TP53BP1: variants seen among roughly 807,000 people sequenced by gnomAD.
The protein encoded by TP53BP1 is tumor protein p53 binding protein 1, also known as TP53-binding protein 1.
Under a neutral mutation model 200.8 loss-of-function variants are expected in TP53BP1, and 61 were observed. That is an observed-to-expected ratio of 0.30 (90% CI 0.25 to 0.38). TP53BP1 has a LOEUF of 0.38. TP53BP1 is among the 10% of genes least tolerant of loss of function. TP53BP1 has a pLI of 1.00. For synonymous variants in TP53BP1, 822 were observed against 844.3 expected, an observed-to-expected ratio of 0.97 and a Z score of 0.46; for missense variants, 2,144 against 2,371.9, an observed-to-expected ratio of 0.90 and a Z score of 2.00.
chr15:43,422,357 C>A (rs747296663), intron 18 of TP53BP1, among the ~76,000 whole-genome samples: 39 of 151,556 alleles, frequency 2.6e-4, no homozygotes, highest in Non-Finnish European at 4.4e-4. Context: ...TTTTTCTCCC[C>A]CAGGTGATTC....
At chr15:43,412,166 T>TCCC (rs1160140473) in intron 24 of TP53BP1, among the ~76,000 whole-genome samples, 1 of 152,154 alleles carries the variant, frequency 6.6e-6, no homozygotes, top group East Asian at 1.9e-4. Context: ...CCCCTGATCA[T>TCCC]CCCTTCCATG....
chr15:43,427,280 C>T (rs561075919), intron 18 of TP53BP1, among the ~76,000 whole-genome samples: 15 of 152,294 alleles, frequency 9.8e-5, no homozygotes, highest in African/African-American at 3.4e-4. Flanking sequence ...TTCTTACCAA[C>T]AGGTCTATGA....
At chr15:43,444,697 C>G (rs761930237) in intron 14 of TP53BP1, among the ~76,000 whole-genome samples, 1 of 152,088 alleles carries the variant, frequency 6.6e-6, no homozygotes, top group Non-Finnish European at 1.5e-5. Flanking sequence ...ATGTGAAGTA[C>G]CTGGTATACA....
intron 24 of TP53BP1, among the ~76,000 whole-genome samples, chr15:43,411,927 G>A (rs1338556819): frequency 1.3e-5 from 2 of 150,414 alleles, no homozygotes; most frequent in African/African-American, 4.9e-5. Context: ...GTAAAAGGGG[G>A]AAAAAAAAAC....
In TP53BP1 at chr15:43,416,255, G is replaced by T. The variant is rs1441490146; in HGVS notation, c.4843C>A (p.Pro1615Thr). Residue 1615 changes from proline to threonine, a missense_variant, in exon 22 of 28, where the codon CCT becomes ACT. By Grantham distance (38) the Pro-to-Thr change is conservative. Transcript: ENST00000382044. ...YGLGPYEAVT[P>T]LTKAADISLD... is the part of the protein sequence containing the mutation. ...CTGATATCTGCTGCCTTTGTAAGAG[G>T]TGTTACTGCTTCATAGGGGCCAAGC... 1.2e-6 allele frequency: 2 copies of T among 1,614,022 alleles called. No homozygotes were observed. Among genetic ancestry groups the T allele is most frequent in the Non-Finnish European group, 1.7e-6 (2 of 1,179,986 alleles).
chr15:43,504,606 T>C (rs60018990), intron 1 of TP53BP1, among the ~76,000 whole-genome samples: 26,861 of 152,050 alleles, frequency 0.18, 2,522 homozygotes, highest in Middle Eastern at 0.27. Flanking sequence ...GGTAAATAAA[T>C]AAATCCTTAG....
intron 7 of TP53BP1, among the ~76,000 whole-genome samples, chr15:43,478,674 C>A (rs2078917836): frequency 6.6e-6 from 1 of 152,180 alleles, no homozygotes; most frequent in South Asian, 2.1e-4. Flanking sequence ...CTGAGAAAAT[C>A]CCTACATCTA....
At position 43,447,487 on chromosome 15, in the gene TP53BP1, T is replaced by TAA; in HGVS notation, c.2717-3_2717-2insTT. 3 of 1,293,930 alleles carry TAA rather than the reference T, an allele frequency of 2.3e-6. No individual in the cohort carries two copies. Among genetic ancestry groups the TAA allele is most frequent in the South Asian group, 2.2e-5 (1 of 44,786 alleles). The allele number at this position is 1,293,930 out of a possible 1,614,324, so 80.2% of individuals were successfully genotyped here. A position where few individuals can be genotyped will look rare whatever the true frequency, so the allele number is the denominator to read the frequency against. ...GCAAAGTGAAATGAAATGGGGTTTC[T>TAA]GAAAAAAAAAAAAAAAAGAAAAAAG... On this transcript the variant is annotated splice_region_variant and splice_polypyrimidine_tract_variant and intron_variant, in intron 12 of 27. Coordinates refer to ENST00000382044, the MANE Select transcript of TP53BP1 (RefSeq NM_001141980.3).
chr15:43,439,617 TGATTTG>T (rs2045880440), intron 15 of TP53BP1, among the ~76,000 whole-genome samples: 1 of 152,256 alleles, frequency 6.6e-6, no homozygotes, highest in African/African-American at 2.4e-5. Context: ...TTACTTTAGA[TGATTTG>T]TTAGAGTGAA....
At position 43,405,244 on chromosome 15, in the gene TP53BP1, G is replaced by T; in HGVS notation, c.*2139C>A. 1 of 1,613,182 alleles carries T rather than the reference G, an allele frequency of 6.2e-7. No individual in the cohort carries two copies. Among genetic ancestry groups the T allele is most frequent in the African/African-American group, 1.3e-5 (1 of 75,000 alleles). On this transcript the variant is annotated 3_prime_UTR_variant, in exon 28 of 28. Coordinates refer to ENST00000382044, the MANE Select transcript of TP53BP1 (RefSeq NM_001141980.3). ...TTCTGGCTCATAAATTGAAATAACA[G>T]CCACGTTCCCAAGGTTGTAACAGAA...
intron 10 of TP53BP1, among the ~76,000 whole-genome samples, chr15:43,472,872 C>CA (rs2046760919): frequency 6.6e-6 from 1 of 152,140 alleles, no homozygotes; most frequent in East Asian, 1.9e-4. Flanking sequence ...TTGGTGGGTT[C>CA]TTGGTCTCAC....
intron 13 of TP53BP1, 145 bp from the exon 14 acceptor site, chr15:43,446,735 A>G: frequency 6.6e-7 from 1 of 1,512,764 alleles, no homozygotes; most frequent in Admixed American, 2.2e-5. Context: ...CCCTGTCATA[A>G]GTATCAACAA....
At chr15:43,438,728 C>CAA (rs397699362) in intron 15 of TP53BP1, among the ~76,000 whole-genome samples, 544 of 21,634 alleles carry the variant, frequency 0.025, 194 homozygotes, top group African/African-American at 0.1. Flanking sequence ...AAGCAAGAGG[C>CAA]AAAAAAAAAA....
chr15:43,447,043 C>G, intron 13 of TP53BP1: 10 of 480,134 alleles, frequency 2.1e-5, no homozygotes, highest in South Asian at 1.8e-4. Flanking sequence ...AGTACTTCTA[C>G]CTTACTTCCT....
At chr15:43,444,155 G>C (rs2045990259) in intron 14 of TP53BP1, among the ~76,000 whole-genome samples, 1 of 152,200 alleles carries the variant, frequency 6.6e-6, no homozygotes, top group Non-Finnish European at 1.5e-5. Flanking sequence ...CTGGTATTAG[G>C]AAAGGTAGTA....
At chr15:43,439,918 T>C (rs1471191852) in intron 15 of TP53BP1, among the ~76,000 whole-genome samples, 3 of 152,196 alleles carry the variant, frequency 2.0e-5, no homozygotes, top group African/African-American at 7.2e-5. Context: ...CTCCACTTTC[T>C]TCAGCTTCTA....
chr15:43,459,705 C>T (rs1294451422), intron 11 of TP53BP1, among the ~76,000 whole-genome samples: 1 of 151,520 alleles, frequency 6.6e-6, no homozygotes, highest in East Asian at 1.9e-4. Context: ...CACTCTGTTG[C>T]CTAGGCTCTG....
In TP53BP1 at chr15:43,408,104, G is replaced by C. The variant is rs777123727; in HGVS notation, c.5601-16C>G. On this transcript the variant is annotated splice_polypyrimidine_tract_variant and intron_variant, in intron 26 of 27. Transcript: ENST00000382044. ...ACGGGGTTGCCTATGAAGGAGACAG[G>C]AAAGGACCTTAGCATGACAAGTAAT... 6.2e-7 allele frequency: 1 copy of C among 1,612,560 alleles called. No homozygotes were observed. The highest frequency in any genetic ancestry group is 2.2e-5 in the East Asian group (1 of 44,870).
chr15:43,454,911 A>AC (rs1487326731), intron 12 of TP53BP1, among the ~76,000 whole-genome samples: 2 of 151,776 alleles, frequency 1.3e-5, no homozygotes, highest in Admixed American at 6.6e-5. Flanking sequence ...TTTGTATTTT[A>AC]GTGGAGATGG....
Sources: gnomAD v4.1 joint callset for allele counts (sites outside exome capture counted in the v4.1 genomes callset) on GRCh38, gnomAD v4.1.1 for gene constraint, MANE v1.5 for transcripts, NCBI Gene and HGNC (gene_info 2026-07-23, HGNC 2026-07-21) for gene names.